Variants in CCSER1 observed in about 807,000 individuals in gnomAD.
CCSER1 encodes the protein serine-rich coiled-coil domain-containing protein 1.
CCSER1 carries 41 observed loss-of-function variants against 82.0 expected under a neutral mutation model. The ratio of observed to expected loss-of-function variants is 0.50; its 90% CI spans 0.39 to 0.65. The LOEUF is 0.65. Among genes scored for constraint, CCSER1 ranks in the 30% least tolerant of loss-of-function variants. The pLI is 0.00. For synonymous variants in CCSER1, 414 were observed against 383.9 expected (o/e 1.08, Z -0.92); for missense variants, 1,119 against 1,064.2 (o/e 1.05, Z -0.72).
chr4:90,854,327 C>T (rs1764221087), intron 8 of CCSER1, among the ~76,000 whole-genome samples: 1 of 152,282 alleles, frequency 6.6e-6, no homozygotes, highest in South Asian at 2.1e-4. Flanking sequence ...AGTATCCATG[C>T]TGGAATTAAT....
At chr4:90,729,529 A>G (rs908812542) in intron 7 of CCSER1, among the ~76,000 whole-genome samples, 1 of 152,206 alleles carries the variant, frequency 6.6e-6, no homozygotes, top group Non-Finnish European at 1.5e-5. Context: ...ACTGGTAAAT[A>G]TAATGAAACA....
At chr4:91,059,031 ATGT>A (rs1458508649) in intron 9 of CCSER1, among the ~76,000 whole-genome samples, 2 of 152,034 alleles carry the variant, frequency 1.3e-5, no homozygotes, top group Non-Finnish European at 1.5e-5. Flanking sequence ...AAAATAAGAA[ATGT>A]TGTACTACTG....
At chr4:91,474,482 A>G (rs1757454268) in intron 10 of CCSER1, among the ~76,000 whole-genome samples, 1 of 151,534 alleles carries the variant, frequency 6.6e-6, no homozygotes, top group Non-Finnish European at 1.5e-5. Context: ...AAATCATTCT[A>G]TTCTATTCTT....
chr4:90,330,604 T>A (rs759992315), intron 3 of CCSER1, among the ~76,000 whole-genome samples: 1 of 152,152 alleles, frequency 6.6e-6, no homozygotes, highest in Non-Finnish European at 1.5e-5. Context: ...AAAAAAGAAG[T>A]GAGGCATAGA....
intron 10 of CCSER1, among the ~76,000 whole-genome samples, chr4:91,564,272 A>G (rs541413361): frequency 6.6e-6 from 1 of 151,898 alleles, no homozygotes; most frequent in Admixed American, 6.6e-5. Flanking sequence ...TATAGGCCAC[A>G]TTTTTTTAAT....
At chr4:91,597,196 G>C (rs1468309266) in intron 10 of CCSER1, among the ~76,000 whole-genome samples, 1 of 151,962 alleles carries the variant, frequency 6.6e-6, no homozygotes, top group African/African-American at 2.4e-5. Context: ...ATCAAACTCT[G>C]TGCTACAATT....
chr4:90,405,136 A>T (rs1282089190), intron 4 of CCSER1, among the ~76,000 whole-genome samples: 2 of 151,914 alleles, frequency 1.3e-5, no homozygotes, highest in African/African-American at 2.4e-5. Context: ...TGAAAGGAAA[A>T]ATCTTCAATG....
chr4:90,265,644 A>T (rs1171313741), intron 1 of CCSER1, among the ~76,000 whole-genome samples: 1 of 152,102 alleles, frequency 6.6e-6, no homozygotes, highest in East Asian at 1.9e-4. Context: ...AATAAAACGT[A>T]TTGTTCTGAA....
At chr4:90,518,639 A>C (rs965097252) in intron 5 of CCSER1, among the ~76,000 whole-genome samples, 1 of 151,978 alleles carries the variant, frequency 6.6e-6, no homozygotes, top group African/African-American at 2.4e-5. Context: ...AATATTAATG[A>C]ATCTGTGGCT....
At chr4:90,665,230 G>A (rs1235892416) in intron 6 of CCSER1, among the ~76,000 whole-genome samples, 2 of 152,084 alleles carry the variant, frequency 1.3e-5, no homozygotes, top group African/African-American at 4.8e-5. Flanking sequence ...ACTTATAAGT[G>A]TTGTATGTCA....
chr4:90,873,899 A>G (rs1766871315), intron 8 of CCSER1, among the ~76,000 whole-genome samples: 1 of 152,116 alleles, frequency 6.6e-6, no homozygotes, highest in Admixed American at 6.6e-5. Context: ...CATATTTTTG[A>G]TTTATCAAAA....
chr4:90,640,409 C>G (rs988201020), intron 6 of CCSER1, among the ~76,000 whole-genome samples: 3 of 152,010 alleles, frequency 2.0e-5, no homozygotes, highest in African/African-American at 7.2e-5. Flanking sequence ...TTAGGTTAAT[C>G]AAGAATGATA....
At chr4:90,949,148 T>G (rs2150349478) in intron 9 of CCSER1, among the ~76,000 whole-genome samples, 1 of 152,210 alleles carries the variant, frequency 6.6e-6, no homozygotes, top group South Asian at 2.1e-4. Flanking sequence ...ACAGACCTAC[T>G]TGGTGCTTTT....
chr4:90,993,161 A>G (rs897229035), intron 9 of CCSER1, among the ~76,000 whole-genome samples: 2 of 152,052 alleles, frequency 1.3e-5, no homozygotes, highest in African/African-American at 4.8e-5. Flanking sequence ...CAAATAGTCA[A>G]CTTTCTTTTG....
At chr4:90,161,504 A>G (rs1447170618) in intron 1 of CCSER1, among the ~76,000 whole-genome samples, 1 of 151,988 alleles carries the variant, frequency 6.6e-6, no homozygotes, top group East Asian at 1.9e-4. Context: ...TCACTTTAAA[A>G]CTATTAACCA....
chr4:90,955,518 A>G (rs1376346477), intron 9 of CCSER1, among the ~76,000 whole-genome samples: 7 of 152,204 alleles, frequency 4.6e-5, no homozygotes, highest in Admixed American at 4.6e-4. Flanking sequence ...TGCTACAGAT[A>G]GATAATGATA....
intron 3 of CCSER1, among the ~76,000 whole-genome samples, chr4:90,325,381 C>T (rs1240035672): frequency 6.6e-6 from 1 of 152,048 alleles, no homozygotes; most frequent in Non-Finnish European, 1.5e-5. Context: ...CTAGGATATA[C>T]TTTAGATATT....
chr4:91,503,664 G>C (rs1759339434), intron 10 of CCSER1, among the ~76,000 whole-genome samples: 1 of 151,892 alleles, frequency 6.6e-6, no homozygotes. Context: ...AAGGCTCTGG[G>C]GAATCAATCA....
At chr4:90,640,975 G>T (rs1176124622) in intron 6 of CCSER1, among the ~76,000 whole-genome samples, 1 of 152,022 alleles carries the variant, frequency 6.6e-6, no homozygotes, top group Non-Finnish European at 1.5e-5. Flanking sequence ...TTGAATTTCA[G>T]CTCTCACAAT....
Sources: gnomAD v4.1 joint callset for allele counts (sites outside exome capture counted in the v4.1 genomes callset) on GRCh38, gnomAD v4.1.1 for gene constraint, MANE v1.5 for transcripts, NCBI Gene and HGNC (gene_info 2026-07-23, HGNC 2026-07-21) for gene names.